The following LYPD6 variants were observed in gnomAD, a reference collection of about 807,000 sequenced individuals.
The protein encoded by LYPD6 is LY6/PLAUR domain containing 6.
A neutral mutation model predicts 22.7 loss-of-function variants in LYPD6; 15 were observed. The observed-to-expected ratio is 0.66, with a 90% CI of 0.44 to 1.02. LYPD6 has a LOEUF of 1.02. LYPD6 is among the 50% of genes least tolerant of loss of function. LYPD6 has a pLI of 0.00. For missense variants in LYPD6, 189 were observed against 208.4 expected (o/e 0.91, Z 0.57); for synonymous variants, 72 against 77.5 (o/e 0.93, Z 0.37).
intron 1 of LYPD6, among the ~76,000 whole-genome samples, chr2:149,371,963 C>A (rs1203735097): frequency 1.3e-5 from 2 of 152,246 alleles, no homozygotes; most frequent in South Asian, 4.2e-4. Context: ...TCCACAGAGG[C>A]TTCCAAAATT....
intron 1 of LYPD6, among the ~76,000 whole-genome samples, chr2:149,339,589 T>A (rs1681121998): frequency 6.6e-6 from 1 of 152,184 alleles, no homozygotes; most frequent in Non-Finnish European, 1.5e-5. Flanking sequence ...ATACCCAAAG[T>A]CAAATTCTCA....
At chr2:149,466,127 A>G (rs182728109) in intron 3 of LYPD6, among the ~76,000 whole-genome samples, 1 of 152,268 alleles carries the variant, frequency 6.6e-6, no homozygotes, top group East Asian at 1.9e-4. Context: ...GATAAGCCAA[A>G]TGTGGCCCAC....
chr2:149,441,330 A>G (rs1683564654), intron 2 of LYPD6, among the ~76,000 whole-genome samples: 2 of 152,174 alleles, frequency 1.3e-5, no homozygotes, highest in Non-Finnish European at 2.9e-5. Flanking sequence ...GAAGCTCGGA[A>G]CCTGCTGAAG....
At chr2:149,388,079 ATT>A in intron 1 of LYPD6, among the ~76,000 whole-genome samples, 1 of 152,306 alleles carries the variant, frequency 6.6e-6, no homozygotes, top group East Asian at 1.9e-4. Flanking sequence ...CCTAAAGGAA[ATT>A]TTGAGTAAAG....
intron 3 of LYPD6, among the ~76,000 whole-genome samples, chr2:149,460,962 G>A (rs1371525200): frequency 1.3e-5 from 2 of 151,886 alleles, no homozygotes; most frequent in Non-Finnish European, 2.9e-5. Context: ...AAAATTTGTA[G>A]GACACAGCAA....
intron 1 of LYPD6, among the ~76,000 whole-genome samples, chr2:149,410,039 C>T (rs1201281220): frequency 6.6e-6 from 1 of 152,188 alleles, no homozygotes; most frequent in African/African-American, 2.4e-5. Context: ...TGAGCAGGAG[C>T]TGCAAGCTAG....
chr2:149,449,407 C>G lies in LYPD6; in HGVS notation c.217+260C>G, dbSNP rs545804254. ...GATACCTTCGCCTGTACCCCCGGGC[C>G]CAGTCAAATGTAGGAAAAGAGAACA... On this transcript the variant is annotated intron_variant, in intron 3 of 4. Transcript: ENST00000334166. 3.3e-5 allele frequency among the ~76,000 whole-genome samples: 5 copies of G among 152,232 alleles called. No individual in the cohort carries two copies. The South Asian group carries it at 1.0e-3, about 32-fold the overall frequency.
intron 1 of LYPD6, among the ~76,000 whole-genome samples, chr2:149,410,248 A>G (rs978382592): frequency 2.6e-5 from 4 of 152,148 alleles, no homozygotes; most frequent in African/African-American, 9.7e-5. Context: ...AGTATAATGC[A>G]TACGTTTGTA....
chr2:149,470,864 C>G lies in LYPD6; in HGVS notation c.*14C>G. 1 of 1,605,618 alleles carries G rather than the reference C, an allele frequency of 6.2e-7. No individual in the cohort carries two copies. Among genetic ancestry groups the G allele is most frequent in the Non-Finnish European group, 8.5e-7 (1 of 1,173,704 alleles). On this transcript the variant is annotated 3_prime_UTR_variant, in exon 5 of 5. Coordinates refer to ENST00000334166, the MANE Select transcript of LYPD6 (RefSeq NM_194317.5). ...CTCATGTTATAGTGGCTCAGTGGCT[C>G]CATGTGTTAATAGCGATCCATGGGG...
chr2:149,441,367 G>A (rs1335616862), intron 2 of LYPD6, among the ~76,000 whole-genome samples: 1 of 152,156 alleles, frequency 6.6e-6, no homozygotes. Context: ...CTGGAGATAT[G>A]AGAAGACACA....
intron 1 of LYPD6, among the ~76,000 whole-genome samples, chr2:149,415,507 C>A (rs140372847): frequency 6.6e-6 from 1 of 151,870 alleles, no homozygotes; most frequent in Admixed American, 6.6e-5. Flanking sequence ...AGCAACTGAC[C>A]GGGAGAAATA....
chr2:149,485,680 C>T, the LYPD6 span, among the ~76,000 whole-genome samples: 34 of 152,252 alleles, frequency 2.2e-4, no homozygotes, highest in East Asian at 2.1e-3. Flanking sequence ...ATTAATAGCA[C>T]GGCAAGTCTT....
intron 1 of LYPD6, among the ~76,000 whole-genome samples, chr2:149,348,944 G>C (rs1202073764): frequency 6.6e-6 from 1 of 152,054 alleles, no homozygotes; most frequent in Non-Finnish European, 1.5e-5. Flanking sequence ...ATCTCAGAAG[G>C]ATAGGATGTG....
intron 1 of LYPD6, among the ~76,000 whole-genome samples, chr2:149,334,189 T>C (rs957320): frequency 0.02 from 2,975 of 152,236 alleles, 94 homozygotes; most frequent in African/African-American, 0.068. Flanking sequence ...TTTATTAAAT[T>C]GACCTTATGA....
At chr2:149,422,016 G>A (rs977287425) in intron 1 of LYPD6, among the ~76,000 whole-genome samples, 1 of 152,110 alleles carries the variant, frequency 6.6e-6, no homozygotes, top group Non-Finnish European at 1.5e-5. Flanking sequence ...TTATAATAGA[G>A]CTTGGCATGC....
chr2:149,425,546 C>A (rs960727842), intron 1 of LYPD6, among the ~76,000 whole-genome samples: 3 of 152,124 alleles, frequency 2.0e-5, no homozygotes, highest in Non-Finnish European at 2.9e-5. Context: ...GATGCAAAAA[C>A]AAAAATGTTC....
intron 1 of LYPD6, among the ~76,000 whole-genome samples, chr2:149,333,863 G>A (rs1032162868): frequency 2.0e-5 from 3 of 152,160 alleles, no homozygotes; most frequent in Admixed American, 6.6e-5. Flanking sequence ...AATGATATGT[G>A]TTTCAATTCA....
chr2:149,459,199 A>T (rs978556665), intron 3 of LYPD6, among the ~76,000 whole-genome samples: 5 of 152,240 alleles, frequency 3.3e-5, no homozygotes, highest in Non-Finnish European at 7.3e-5. Flanking sequence ...AGTTGAATGA[A>T]ACGTTTTCAT....
chr2:149,462,550 A>G (rs1286990022), intron 3 of LYPD6, among the ~76,000 whole-genome samples: 1 of 150,944 alleles, frequency 6.6e-6, no homozygotes, highest in East Asian at 1.9e-4. Context: ...TTTTTTTTAG[A>G]TATAGACAAA....
Sources: gnomAD v4.1 joint callset for allele counts (sites outside exome capture counted in the v4.1 genomes callset) on GRCh38, gnomAD v4.1.1 for gene constraint, MANE v1.5 for transcripts, NCBI Gene and HGNC (gene_info 2026-07-23, HGNC 2026-07-21) for gene names.